ANKRD33B: variants seen among roughly 807,000 people sequenced by gnomAD.
The protein encoded by ANKRD33B is ankyrin repeat domain 33B.
In ANKRD33B, 6 loss-of-function variants were observed where a neutral mutation model predicts 21.5. That is an observed-to-expected ratio of 0.28 (90% CI 0.15 to 0.55). ANKRD33B has a LOEUF of 0.55. Ranked by LOEUF, ANKRD33B falls within the 20% of genes least tolerant of loss-of-function variation. The probability of loss-of-function intolerance (pLI) is 0.94; values close to 1 mark genes in which losing one functional copy is unlikely to be tolerated. For missense variants in ANKRD33B, 698 were observed against 747.2 expected (o/e 0.93, Z 0.77); for synonymous variants, 347 against 342.4 (o/e 1.01, Z -0.15).
intron 1 of ANKRD33B, among the ~76,000 whole-genome samples, chr5:10,601,545 G>T (rs571046638): frequency 6.6e-6 from 1 of 152,316 alleles, no homozygotes; most frequent in East Asian, 1.9e-4. Flanking sequence ...CATTCTCATT[G>T]TTTACTTCTC....
intron 1 of ANKRD33B, among the ~76,000 whole-genome samples, chr5:10,594,509 C>T (rs770274279): frequency 3.3e-5 from 5 of 152,132 alleles, no homozygotes; most frequent in African/African-American, 4.8e-5. Context: ...TGAACCACCA[C>T]GCCCAGCCAA....
chr5:10,567,887 A>G (rs1376357678), intron 1 of ANKRD33B, among the ~76,000 whole-genome samples: 6 of 152,190 alleles, frequency 3.9e-5, no homozygotes, highest in Non-Finnish European at 8.8e-5. Context: ...GGGTAATTGC[A>G]TTAATGACAG....
intron 3 of ANKRD33B, among the ~76,000 whole-genome samples, chr5:10,644,727 T>C (rs1737151399): frequency 6.6e-6 from 1 of 152,244 alleles, no homozygotes; most frequent in Non-Finnish European, 1.5e-5. Flanking sequence ...AAATTTCCTA[T>C]GAAGTGTGAA....
At chr5:10,612,505 G>T (rs1185786330) in intron 1 of ANKRD33B, among the ~76,000 whole-genome samples, 2 of 152,162 alleles carry the variant, frequency 1.3e-5, no homozygotes, top group Non-Finnish European at 2.9e-5. Context: ...AATTTTGAAG[G>T]GACACAAACG....
chr5:10,578,683 A>C (rs1180588662), intron 1 of ANKRD33B, among the ~76,000 whole-genome samples: 2 of 152,224 alleles, frequency 1.3e-5, no homozygotes, highest in Admixed American at 1.3e-4. Flanking sequence ...GCTACGGTCA[A>C]TTTCTTTTTA....
At chr5:10,638,984 C>T (rs1416534106) in intron 3 of ANKRD33B, among the ~76,000 whole-genome samples, 2 of 74,504 alleles carry the variant, frequency 2.7e-5, no homozygotes, top group African/African-American at 6.1e-5. Context: ...TAGCGGGTGA[C>T]GCGGAGTTGC....
chr5:10,589,427 G>A (rs146902727), intron 1 of ANKRD33B, among the ~76,000 whole-genome samples: 1 of 152,300 alleles, frequency 6.6e-6, no homozygotes, highest in East Asian at 1.9e-4. Context: ...CAACACTGAA[G>A]CTTTCTAGCA....
intron 2 of ANKRD33B, among the ~76,000 whole-genome samples, chr5:10,637,423 T>TACACACACACAC (rs1326182714): frequency 4.1e-5 from 2 of 48,334 alleles, no homozygotes; most frequent in African/African-American, 1.8e-4. Context: ...CGTAGGTAGT[T>TACACACACACAC]AGACACACAC....
intron 1 of ANKRD33B, among the ~76,000 whole-genome samples, chr5:10,583,050 G>A (rs949363386): frequency 5.3e-5 from 8 of 150,832 alleles, no homozygotes; most frequent in African/African-American, 1.7e-4. Flanking sequence ...AGGCTGGAGT[G>A]CAGTGGGGCA....
Position 10,564,713 on chromosome 5 carries a change from C to G in ANKRD33B, c.246C>G (p.Ser82Arg). ...GCGTCCCGGAGGGCGTCCCGGAAAGCGTCCCGGAGACGGCGACCCTCCTGC... is the reference window on the plus strand; with the variant it reads ...GCGTCCCGGAGGGCGTCCCGGAAAGGGTCCCGGAGACGGCGACCCTCCTGC... ...AESVPEGVPE[S>R]VPETATLLRA... The change falls in exon 1 of 4, where the codon AGC (serine) becomes AGG (arginine). Residue 82 changes from serine (S) to arginine (R), a missense_variant. Ser to Arg is a moderately radical substitution (Grantham distance 110). This residue lies in a region of ANKRD33B where 148 missense variants were observed against 154.9 expected (regional missense o/e 0.96). Coordinates refer to ENST00000296657, the MANE Select transcript of ANKRD33B (RefSeq NM_001164440.2). The G allele has an allele frequency of 6.5e-7, 1 of 1,533,586 alleles. No homozygotes were observed. The highest frequency in any genetic ancestry group is 8.7e-7 in the Non-Finnish European group (1 of 1,145,788). The allele number at this position is 1,533,586 out of a possible 1,614,324, so 95.0% of individuals were successfully genotyped here.
At chr5:10,628,623 C>T (rs1197563370) in intron 2 of ANKRD33B, among the ~76,000 whole-genome samples, 3 of 152,162 alleles carry the variant, frequency 2.0e-5, no homozygotes, top group East Asian at 1.9e-4. Flanking sequence ...ATTACAGGCA[C>T]GAGCCACCTT....
In ANKRD33B at chr5:10,655,588, G is replaced by A. The variant is rs572425858; in HGVS notation, c.*5475G>A. 3 of 152,500 alleles carry A rather than the reference G, an allele frequency of 2.0e-5. No homozygotes were observed. Among genetic ancestry groups the A allele is most frequent in the Admixed American group, 6.5e-5 (1 of 15,302 alleles). The allele number at this position is 152,500 out of a possible 1,614,324, so 9.4% of individuals were successfully genotyped here. A position where few individuals can be genotyped will look rare whatever the true frequency, so the allele number is the denominator to read the frequency against. On this transcript the variant is annotated 3_prime_UTR_variant, in exon 4 of 4. Coordinates refer to ENST00000296657, the MANE Select transcript of ANKRD33B (RefSeq NM_001164440.2). ...CGGAGACGCAGGCTTGCTCATTTCCGTCCTGACACAGCTCGCTGTTCCTGC... is the reference window on the plus strand; with the variant it reads ...CGGAGACGCAGGCTTGCTCATTTCCATCCTGACACAGCTCGCTGTTCCTGC...
intron 1 of ANKRD33B, among the ~76,000 whole-genome samples, chr5:10,565,627 TAGAAAAGAAA>T (rs758213236): frequency 1.3e-4 from 20 of 152,208 alleles, no homozygotes; most frequent in African/African-American, 3.6e-4. Flanking sequence ...ACGAGATGTT[TAGAAAAGAAA>T]AGAAAAGAAA....
chr5:10,600,312 G>T (rs1420697950), intron 1 of ANKRD33B, among the ~76,000 whole-genome samples: 27 of 152,210 alleles, frequency 1.8e-4, no homozygotes, highest in Admixed American at 1.7e-3. Context: ...ACCCCAGGAA[G>T]TTCTCTTGTG....
At chr5:10,637,938 G>A in intron 2 of ANKRD33B, 90 bp from the exon 3 acceptor site, 2 of 1,431,032 alleles carry the variant, frequency 1.4e-6, no homozygotes, top group Non-Finnish European at 1.9e-6. Flanking sequence ...GGCTGACTCA[G>A]TGTTTCTTTC....
rs1255132129 is a variant in ANKRD33B, at chr5:10,653,831, C to G, written c.*3718C>G. ...TTTTTCATTTTGTCTGTTTTCGTTG[C>G]TTTGAACAGCTGCATTCACTCACCG... On this transcript the variant is annotated 3_prime_UTR_variant, in exon 4 of 4. Transcript: ENST00000296657. 6.6e-6 allele frequency: 1 copy of G among 152,428 alleles called. No homozygotes were observed. Among genetic ancestry groups the G allele is most frequent in the Non-Finnish European group, 1.5e-5 (1 of 68,146 alleles). 9.4% of individuals were successfully genotyped at this position (152,428 alleles called of 1,614,324 possible).
rs1737453852 is a variant in ANKRD33B, at chr5:10,655,160, G to T, written c.*5047G>T. 1 of 152,372 alleles carries T rather than the reference G, an allele frequency of 6.6e-6. No homozygotes were observed. Among genetic ancestry groups the T allele is most frequent in the Non-Finnish European group, 1.5e-5 (1 of 68,074 alleles). 9.4% of individuals were successfully genotyped at this position (152,372 alleles called of 1,614,324 possible). ...TTATGGATGCAGGAGGGCCGTGCTA[G>T]GCCCCTCTGCCCGCTTCTCTCCCTG... On this transcript the variant is annotated 3_prime_UTR_variant, in exon 4 of 4. Transcript: ENST00000296657.
In ANKRD33B at chr5:10,653,700, T is replaced by C. The variant is rs1426979742; in HGVS notation, c.*3587T>C. ...CTCGGTCTCAGGATGTGGACAGGGC[T>C]GGGAGGTGCAGGCTTCTTGTCCCAT... is the stretch of plus-strand genomic sequence containing the variant. On this transcript the variant is annotated 3_prime_UTR_variant, in exon 4 of 4. Coordinates refer to ENST00000296657, the MANE Select transcript of ANKRD33B (RefSeq NM_001164440.2). The C allele has an allele frequency of 6.6e-6, 1 of 152,390 alleles. No individual in the cohort carries two copies. The highest frequency in any genetic ancestry group is 1.5e-5 in the Non-Finnish European group (1 of 68,108). 9.4% of individuals were successfully genotyped at this position (152,390 alleles called of 1,614,324 possible).
chr5:10,575,425 A>G (rs79129122), intron 1 of ANKRD33B, among the ~76,000 whole-genome samples: 35 of 150,950 alleles, frequency 2.3e-4, no homozygotes, highest in Admixed American at 4.6e-4. Flanking sequence ...ACTGTCTCAA[A>G]AAAAAAAAAA....
Sources: allele counts gnomAD v4.1 joint callset (sites outside exome capture counted in the v4.1 genomes callset), GRCh38; gene constraint gnomAD v4.1.1; regional missense constraint gnomAD v4.1.1; transcripts MANE v1.5; gene names NCBI Gene and HGNC (gene_info 2026-07-23, HGNC 2026-07-21).